IL16: variants seen among roughly 807,000 people sequenced by gnomAD.
The protein encoded by IL16 is interleukin 16, also known as pro-interleukin-16.
Under a neutral mutation model 110.1 loss-of-function variants are expected in IL16, and 67 were observed. The observed-to-expected ratio is 0.61, with a 90% CI of 0.50 to 0.75. IL16 has a LOEUF of 0.75. Among genes scored for constraint, IL16 ranks in the 30% least tolerant of loss-of-function variants. The pLI, the probability that IL16 is intolerant of heterozygous loss-of-function variation, is 0.00. For synonymous variants in IL16, 689 were observed against 662.9 expected, an observed-to-expected ratio of 1.04 and a Z score of -0.61; for missense variants, 1,545 against 1,655.0, an observed-to-expected ratio of 0.93 and a Z score of 1.15.
chr15:81,276,744 T>C (rs1034043957), intron 6 of IL16, among the ~76,000 whole-genome samples: 4 of 152,192 alleles, frequency 2.6e-5, no homozygotes, highest in African/African-American at 9.7e-5. Flanking sequence ...AGTGAAAACC[T>C]TGGGGTGCCA....
chr15:81,274,431 G>C (rs184935772), intron 6 of IL16, among the ~76,000 whole-genome samples: 17 of 152,318 alleles, frequency 1.1e-4, no homozygotes, highest in African/African-American at 3.1e-4. Context: ...TTTCATCTCA[G>C]CAGGGTGCCC....
At chr15:81,218,558 T>G (rs946966960) in intron 1 of IL16, among the ~76,000 whole-genome samples, 3 of 152,214 alleles carry the variant, frequency 2.0e-5, no homozygotes, top group Admixed American at 6.5e-5. Flanking sequence ...AGCAAATCTT[T>G]ATTTTCTCAT....
intron 1 of IL16, among the ~76,000 whole-genome samples, chr15:81,186,046 G>T (rs188481253): frequency 3.3e-5 from 5 of 152,260 alleles, no homozygotes; most frequent in Admixed American, 1.3e-4. Flanking sequence ...TTTTGCCTGT[G>T]TATCAGCCAG....
chr15:81,195,321 C>T (rs1895569111), upstream of IL16, among the ~76,000 whole-genome samples: 1 of 152,176 alleles, frequency 6.6e-6, no homozygotes, highest in Non-Finnish European at 1.5e-5. Context: ...TGCTGAATTG[C>T]TCCTCAGCCT....
intron 18 of IL16, 36 bp downstream of exon 18, chr15:81,306,581 G>C: frequency 8.1e-6 from 13 of 1,606,946 alleles, no homozygotes; most frequent in Non-Finnish European, 1.1e-5. Flanking sequence ...GTGCTCTCCA[G>C]TTGTGGGCAT....
At position 81,300,401 on chromosome 15, in the gene IL16, A is replaced by G. The variant is rs1340482485; in HGVS notation, c.3075A>G (p.Thr1025=). Residue 1025 remains threonine (T), a synonymous_variant, in exon 14 of 19, where the codon ACA becomes ACG. Transcript: ENST00000683961. ...PCIPKEGASP[T]SSSNEDSAAN... ...TCCCCAAGGAAGGGGCATCTCCAAC[A>G]TCATCATCCAACGAAGACTCAGCTG... The G allele has an allele frequency of 6.2e-7, 1 of 1,614,162 alleles. No homozygotes were observed. The highest frequency in any genetic ancestry group is 1.1e-5 in the South Asian group (1 of 91,078).
At chr15:81,228,343 C>A (rs986905197) in intron 2 of IL16, among the ~76,000 whole-genome samples, 3 of 141,732 alleles carry the variant, frequency 2.1e-5, no homozygotes, top group Non-Finnish European at 3.1e-5. Flanking sequence ...TTTTTTGAGA[C>A]GGAGTCTCGC....
At position 81,282,640 on chromosome 15, in the gene IL16, G is replaced by A; in HGVS notation, c.1083G>A (p.Glu361=). The A allele has an allele frequency of 6.2e-7, 1 of 1,611,640 alleles. No individual in the cohort carries two copies. Among genetic ancestry groups the A allele is most frequent in the Non-Finnish European group, 8.5e-7 (1 of 1,179,396 alleles). Reference sequence around the variant, plus strand: ...CACCCCGCCCTGTTCTGCTTCCAGAGGCCGGCGTGGGCCTGGGCATCGGCC... The same window carrying A: ...CACCCCGCCCTGTTCTGCTTCCAGAAGCCGGCGTGGGCCTGGGCATCGGCC... The part of the protein sequence containing the change: ...RIMVEVSLQK[E]AGVGLGIGLC... The change falls in exon 9 of 19, where the codon GAG becomes GAA. Residue 361 remains glutamate (E), a splice_region_variant and synonymous_variant. Coordinates refer to ENST00000683961, the MANE Select transcript of IL16 (RefSeq NM_172217.5).
chr15:81,296,782 A>G (rs1353227773), intron 12 of IL16, 146 bp from the exon 13 acceptor site: 9 of 708,818 alleles, frequency 1.3e-5, no homozygotes, highest in Admixed American at 1.2e-4. Context: ...CCAAGGAGAA[A>G]AGAATCCTCT....
At chr15:81,254,944 G>T (rs1363846399) in intron 2 of IL16, among the ~76,000 whole-genome samples, 1 of 152,176 alleles carries the variant, frequency 6.6e-6, no homozygotes, top group East Asian at 1.9e-4. Flanking sequence ...AGCTGAAAGT[G>T]ATTTTAGAGA....
intron 2 of IL16, among the ~76,000 whole-genome samples, chr15:81,232,230 G>A (rs200652773): frequency 1.7e-3 from 253 of 151,778 alleles, no homozygotes; most frequent in Admixed American, 4.3e-3. Flanking sequence ...AGTTTGATTG[G>A]AGATTTTTGT....
intron 1 of IL16, among the ~76,000 whole-genome samples, chr15:81,220,931 C>A (rs1165327566): frequency 1.3e-5 from 2 of 152,146 alleles, no homozygotes; most frequent in Non-Finnish European, 2.9e-5. Flanking sequence ...CATTTCTTTT[C>A]AATTCAGCTC....
At chr15:81,213,732 A>G (rs79311686) in intron 1 of IL16, among the ~76,000 whole-genome samples, 2,833 of 152,284 alleles carry the variant, frequency 0.019, 71 homozygotes, top group African/African-American at 0.058. Flanking sequence ...TTTGCATAGT[A>G]TATCTTTCTC....
intron 1 of IL16, among the ~76,000 whole-genome samples, chr15:81,210,239 A>AC: frequency 6.6e-6 from 1 of 152,240 alleles, no homozygotes; most frequent in South Asian, 2.1e-4. Flanking sequence ...CATTTTCTAT[A>AC]CCAGTGCCAT....
intron 6 of IL16, among the ~76,000 whole-genome samples, chr15:81,276,422 T>C (rs975223369): frequency 6.6e-6 from 1 of 152,180 alleles, no homozygotes. Flanking sequence ...TTATAGACCT[T>C]AAGGGCTGGA....
At chr15:81,194,239 A>G (rs1895544264), upstream of IL16, among the ~76,000 whole-genome samples, 1 of 152,164 alleles carries the variant, frequency 6.6e-6, no homozygotes, top group Non-Finnish European at 1.5e-5. Flanking sequence ...CTTAGTACAG[A>G]AGCTGGGGCT....
In IL16 at chr15:81,216,275, T is replaced by C. The variant is rs146437059; in HGVS notation, c.-101-9024T>C. Among the ~76,000 whole-genome samples the C allele has an allele frequency of 1.8e-4, 28 of 152,312 alleles. No homozygotes were observed. In the East Asian group the frequency reaches 4.4e-3, roughly 24 times the overall value. ...AGATCCCCCTCCAGCTCCCACGTCCTTGTGTGATGCAGGGTCCCCTGTAGC... is the reference window on the plus strand; with the variant it reads ...AGATCCCCCTCCAGCTCCCACGTCCCTGTGTGATGCAGGGTCCCCTGTAGC... On this transcript the variant is annotated intron_variant, in intron 1 of 18. Coordinates refer to ENST00000683961, the MANE Select transcript of IL16 (RefSeq NM_172217.5).
chr15:81,228,494 A>G (rs562393532), intron 2 of IL16, among the ~76,000 whole-genome samples: 2 of 151,886 alleles, frequency 1.3e-5, no homozygotes, highest in Admixed American at 1.3e-4. Context: ...CTAATTTTAA[A>G]AATATTTTTA....
chr15:81,183,941 A>T (rs1046707103), intron 1 of IL16, among the ~76,000 whole-genome samples: 14 of 152,216 alleles, frequency 9.2e-5, no homozygotes, highest in African/African-American at 3.4e-4. Flanking sequence ...CCCAAATGGC[A>T]TGTACGTATT....
Sources: gnomAD v4.1 joint callset for allele counts (sites outside exome capture counted in the v4.1 genomes callset) on GRCh38, gnomAD v4.1.1 for gene constraint, MANE v1.5 for transcripts, NCBI Gene and HGNC (gene_info 2026-07-23, HGNC 2026-07-21) for gene names.